CCDC178: variants seen among roughly 807,000 people sequenced by gnomAD.
CCDC178 encodes the protein coiled-coil domain-containing protein 178.
Under a neutral mutation model 117.4 loss-of-function variants are expected in CCDC178, and 126 were observed. The observed-to-expected ratio is 1.07, with a 90% CI of 0.93 to 1.24. The LOEUF (loss-of-function observed/expected upper bound fraction) is 1.24. Among genes scored for constraint, CCDC178 ranks in the 50% most tolerant of loss-of-function variants. The probability of loss-of-function intolerance (pLI) is 0.00; values close to 1 mark genes in which losing one functional copy is unlikely to be tolerated. For synonymous variants in CCDC178, 283 were observed against 313.4 expected, an observed-to-expected ratio of 0.90 and a Z score of 1.02; for missense variants, 1,030 against 986.9, an observed-to-expected ratio of 1.04 and a Z score of -0.59.
chr18:33,004,232 A>G (rs905322817), intron 21 of CCDC178, among the ~76,000 whole-genome samples: 18 of 152,146 alleles, frequency 1.2e-4, no homozygotes, highest in Non-Finnish European at 2.6e-4. Context: ...CATGTGCAAA[A>G]AGAACAAAAC....
chr18:33,099,792 G>T (rs909854657), intron 20 of CCDC178, among the ~76,000 whole-genome samples: 1 of 151,932 alleles, frequency 6.6e-6, no homozygotes, highest in Admixed American at 6.6e-5. Flanking sequence ...AGCCTCAGAG[G>T]AGCAAATAAC....
At chr18:32,994,408 T>A (rs1050431294) in intron 21 of CCDC178, among the ~76,000 whole-genome samples, 9 of 152,154 alleles carry the variant, frequency 5.9e-5, no homozygotes, top group Admixed American at 5.2e-4. Flanking sequence ...ATCCTGCAAA[T>A]TTTCATCACC....
intron 21 of CCDC178, among the ~76,000 whole-genome samples, chr18:33,025,729 C>A (rs1318025074): frequency 6.6e-6 from 1 of 151,996 alleles, no homozygotes; most frequent in African/African-American, 2.4e-5. Context: ...ATGAGAACAC[C>A]AAATGGTGGT....
chr18:33,041,204 C>A (rs1190640839), intron 21 of CCDC178, among the ~76,000 whole-genome samples: 1 of 151,720 alleles, frequency 6.6e-6, no homozygotes. Context: ...ATAATCTTAT[C>A]ACCCTATAAA....
At chr18:33,437,565 T>G (rs1447333722) in intron 2 of CCDC178, 1 of 152,180 alleles carries the variant, frequency 6.6e-6, no homozygotes. Context: ...ACACATTCAG[T>G]AAGTACCCAG....
At chr18:32,986,747 C>T (rs921152823) in intron 21 of CCDC178, among the ~76,000 whole-genome samples, 4 of 151,932 alleles carry the variant, frequency 2.6e-5, no homozygotes, top group African/African-American at 9.6e-5. Context: ...ATATTAATAG[C>T]AATGCTAATA....
In CCDC178 at chr18:33,371,373, C is replaced by A. The variant is rs140619089; in HGVS notation, c.209-1184G>T. Among the ~76,000 whole-genome samples, 11 of 151,610 alleles carry A rather than the reference C, an allele frequency of 7.3e-5. No homozygotes were observed. The East Asian group carries it at 2.0e-3, about 27-fold the overall frequency. On this transcript the variant is annotated intron_variant, in intron 5 of 22. Transcript: ENST00000383096. The stretch of plus-strand genomic sequence containing the variant: ...AAAGCTAAGCTAAAAATTTTTGATG[C>A]CACATTTTTTTAATCCCCACAACAA...
intron 14 of CCDC178, among the ~76,000 whole-genome samples, chr18:33,264,928 C>T (rs1396688140): frequency 6.6e-6 from 1 of 152,050 alleles, no homozygotes; most frequent in Non-Finnish European, 1.5e-5. Context: ...GCAGAATAAT[C>T]TAATAAGTGC....
chr18:33,351,691 C>A (rs977676963), intron 7 of CCDC178, among the ~76,000 whole-genome samples: 1 of 152,038 alleles, frequency 6.6e-6, no homozygotes, highest in Non-Finnish European at 1.5e-5. Flanking sequence ...TACTGGCATG[C>A]GCCACCACAC....
At chr18:33,387,368 A>G (rs994802215) in intron 5 of CCDC178, among the ~76,000 whole-genome samples, 3 of 152,224 alleles carry the variant, frequency 2.0e-5, no homozygotes, top group Non-Finnish European at 4.4e-5. Flanking sequence ...TTTAAAATTC[A>G]TACAGAACCA....
At chr18:33,191,304 G>A (rs2058855311) in intron 20 of CCDC178, among the ~76,000 whole-genome samples, 2 of 152,124 alleles carry the variant, frequency 1.3e-5, no homozygotes, top group South Asian at 4.1e-4. Context: ...CTTTATTTAA[G>A]TCACATAATG....
Position 33,004,203 on chromosome 18 carries a change from C to A in CCDC178, c.2389-29522G>T, listed in dbSNP as rs200488829. ...AACTTTATGTGGAAACAGAAGAGAC[C>A]CAGAATAGTCAGAGCTATCATGTGC... On this transcript the variant is annotated intron_variant, in intron 21 of 22. Transcript: ENST00000383096. 1.1e-4 allele frequency among the ~76,000 whole-genome samples: 16 copies of A among 151,928 alleles called. No homozygotes were observed. The East Asian group carries it at 1.9e-3, about 18-fold the overall frequency.
At chr18:33,058,719 G>A (rs989721003) in intron 21 of CCDC178, among the ~76,000 whole-genome samples, 4 of 152,104 alleles carry the variant, frequency 2.6e-5, no homozygotes, top group African/African-American at 7.2e-5. Context: ...GATGGTTTAC[G>A]TACAAATTCT....
intron 21 of CCDC178, among the ~76,000 whole-genome samples, chr18:33,038,554 A>C (rs181485304): frequency 6.6e-6 from 1 of 152,166 alleles, no homozygotes; most frequent in African/African-American, 2.4e-5. Flanking sequence ...AGAACAACAA[A>C]AACTTAGAAT....
intron 21 of CCDC178, among the ~76,000 whole-genome samples, chr18:33,001,430 G>A (rs572042038): frequency 6.6e-6 from 1 of 151,540 alleles, no homozygotes; most frequent in East Asian, 1.9e-4. Flanking sequence ...GGAGAATGGC[G>A]TGAACCGGGG....
At chr18:33,291,714 C>A (rs1276003643) in intron 12 of CCDC178, among the ~76,000 whole-genome samples, 2 of 152,052 alleles carry the variant, frequency 1.3e-5, no homozygotes, top group Non-Finnish European at 2.9e-5. Flanking sequence ...TGCTTCCAAG[C>A]AGGAGCACAC....
intron 10 of CCDC178, among the ~76,000 whole-genome samples, chr18:33,326,024 T>C (rs1227702257): frequency 6.6e-6 from 1 of 152,158 alleles, no homozygotes; most frequent in Non-Finnish European, 1.5e-5. Flanking sequence ...TAAAAGATTC[T>C]CCTAGTGGGA....
At chr18:33,279,111 G>C (rs1050403203) in intron 12 of CCDC178, among the ~76,000 whole-genome samples, 47 of 152,112 alleles carry the variant, frequency 3.1e-4, no homozygotes, top group African/African-American at 6.5e-4. Context: ...CCAGGGCAAT[G>C]AGGCAGGAGA....
At chr18:33,156,539 C>T (rs1446027159) in intron 20 of CCDC178, among the ~76,000 whole-genome samples, 1 of 148,052 alleles carries the variant, frequency 6.8e-6, no homozygotes, top group African/African-American at 2.5e-5. Flanking sequence ...CTGCATGACA[C>T]TTCTGGGCTG....
Sources: allele counts gnomAD v4.1 joint callset (sites outside exome capture counted in the v4.1 genomes callset), GRCh38; gene constraint gnomAD v4.1.1; transcripts MANE v1.5; gene names NCBI Gene and HGNC (gene_info 2026-07-23, HGNC 2026-07-21).